EYA1: variants seen among roughly 807,000 people sequenced by gnomAD.
The protein encoded by EYA1 is EYA transcriptional coactivator and phosphatase 1.
In EYA1, 16 loss-of-function variants were observed where a neutral mutation model predicts 82.0. The ratio of observed to expected loss-of-function variants is 0.20; its 90% CI spans 0.13 to 0.30. The LOEUF is 0.30. Ranked by LOEUF, EYA1 falls within the 10% of genes least tolerant of loss-of-function variation. The pLI is 1.00. For missense variants in EYA1, 633 were observed against 730.7 expected, an observed-to-expected ratio of 0.87 and a Z score of 1.54; for synonymous variants, 261 against 264.4, an observed-to-expected ratio of 0.99 and a Z score of 0.12.
chr8:71,542,971 A>C (rs1272769505), intron 1 of EYA1, among the ~76,000 whole-genome samples: 1 of 152,066 alleles, frequency 6.6e-6, no homozygotes, highest in African/African-American at 2.4e-5. Flanking sequence ...TCAGATTCAT[A>C]GTTTGCAGAC....
chr8:71,435,939 AAGG>A (rs1805978546), intron 2 of EYA1, among the ~76,000 whole-genome samples: 1 of 152,152 alleles, frequency 6.6e-6, no homozygotes, highest in Non-Finnish European at 1.5e-5. Flanking sequence ...ATGAATTTTA[AAGG>A]ATTTAAATAT....
intron 3 of EYA1, among the ~76,000 whole-genome samples, chr8:71,346,164 G>A (rs777482582): frequency 6.6e-6 from 1 of 151,864 alleles, no homozygotes; most frequent in African/African-American, 2.4e-5. Flanking sequence ...ACCAGCATGC[G>A]TCCCCACAAT....
intron 4 of EYA1, among the ~76,000 whole-genome samples, chr8:71,327,827 ATAGT>A: frequency 6.7e-6 from 1 of 148,648 alleles, no homozygotes; most frequent in Middle Eastern, 3.5e-3. Flanking sequence ...GACACTAATA[ATAGT>A]TAGGGCGGGA....
intron 7 of EYA1, among the ~76,000 whole-genome samples, chr8:71,309,562 A>T (rs1381816321): frequency 6.6e-6 from 1 of 152,252 alleles, no homozygotes; most frequent in South Asian, 2.1e-4. Flanking sequence ...ATATTTTCCT[A>T]AAACCACTAT....
intron 17 of EYA1, among the ~76,000 whole-genome samples, chr8:71,208,916 T>C (rs1430764603): frequency 2.0e-5 from 3 of 152,204 alleles, no homozygotes; most frequent in Admixed American, 2.0e-4. Flanking sequence ...CACAGAAACC[T>C]TGATAAGATC....
chr8:71,251,140 T>A (rs1261160508), intron 11 of EYA1, among the ~76,000 whole-genome samples: 1 of 152,180 alleles, frequency 6.6e-6, no homozygotes. Flanking sequence ...TACCATAAGG[T>A]CAGCATAACA....
chr8:71,220,623 A>G (rs1008662488), intron 12 of EYA1, among the ~76,000 whole-genome samples: 2 of 152,260 alleles, frequency 1.3e-5, no homozygotes, highest in African/African-American at 2.4e-5. Flanking sequence ...ACAACAGACA[A>G]AAGTCCTTAC....
At chr8:71,459,995 A>T (rs1165001490) in intron 2 of EYA1, among the ~76,000 whole-genome samples, 1 of 152,194 alleles carries the variant, frequency 6.6e-6, no homozygotes, top group Non-Finnish European at 1.5e-5. Flanking sequence ...TTCATCACAT[A>T]TTCCTTTGTT....
intron 2 of EYA1, among the ~76,000 whole-genome samples, chr8:71,514,384 T>C (rs2129258563): frequency 6.6e-6 from 1 of 152,300 alleles, no homozygotes; most frequent in South Asian, 2.1e-4. Flanking sequence ...ATCTAACTTT[T>C]ATAAAATCAT....
At chr8:71,267,478 A>G (rs888716616) in intron 11 of EYA1, among the ~76,000 whole-genome samples, 6 of 152,230 alleles carry the variant, frequency 3.9e-5, no homozygotes, top group African/African-American at 1.2e-4. Context: ...GGATACACTT[A>G]TATTTAAGAA....
chr8:71,420,210 G>C (rs527324105), intron 2 of EYA1, among the ~76,000 whole-genome samples: 1 of 152,304 alleles, frequency 6.6e-6, no homozygotes, highest in East Asian at 1.9e-4. Flanking sequence ...AGGGTTGAAA[G>C]ATGCTAATGT....
At chr8:71,458,614 T>C (rs533498714) in intron 2 of EYA1, among the ~76,000 whole-genome samples, 1 of 152,130 alleles carries the variant, frequency 6.6e-6, no homozygotes, top group South Asian at 2.1e-4. Flanking sequence ...TTTTTGGTGA[T>C]GGATTAGATA....
At chr8:71,262,862 T>G (rs1815303747) in intron 11 of EYA1, among the ~76,000 whole-genome samples, 1 of 152,234 alleles carries the variant, frequency 6.6e-6, no homozygotes, top group Non-Finnish European at 1.5e-5. Flanking sequence ...AGATTCTATG[T>G]CACTCTACAG....
intron 12 of EYA1, among the ~76,000 whole-genome samples, chr8:71,233,478 G>C (rs1261433151): frequency 6.6e-6 from 1 of 151,656 alleles, no homozygotes; most frequent in African/African-American, 2.4e-5. Context: ...GCAGGAGAAT[G>C]GCATGAACCT....
At chr8:71,209,226 A>G (rs1255817094) in intron 17 of EYA1, among the ~76,000 whole-genome samples, 2 of 152,250 alleles carry the variant, frequency 1.3e-5, no homozygotes, top group African/African-American at 4.8e-5. Flanking sequence ...TGGATGTCAG[A>G]AAACATTCTC....
chr8:71,229,182 T>C (rs1211730005), intron 12 of EYA1, among the ~76,000 whole-genome samples: 2 of 152,000 alleles, frequency 1.3e-5, no homozygotes, highest in Non-Finnish European at 2.9e-5. Context: ...CACCAGACAA[T>C]AGCTGTGTCT....
intron 2 of EYA1, among the ~76,000 whole-genome samples, chr8:71,425,180 G>A (rs1215234523): frequency 1.3e-5 from 2 of 151,644 alleles, no homozygotes; most frequent in African/African-American, 4.8e-5. Flanking sequence ...CTATTCGGGA[G>A]GCTGAGGCAG....
At chr8:71,261,056 TTTTAAGACCCCATGCTGGCTGC>T (rs1815039889) in intron 11 of EYA1, among the ~76,000 whole-genome samples, 1 of 152,184 alleles carries the variant, frequency 6.6e-6, no homozygotes, top group South Asian at 2.1e-4. Flanking sequence ...AGTGGTTTAT[TTTTAAGACCCCATGCTGGCTGC>T]CCACAAGGAA....
chr8:71,474,834 T>C (rs1316861414), intron 2 of EYA1, among the ~76,000 whole-genome samples: 2 of 152,122 alleles, frequency 1.3e-5, no homozygotes, highest in Non-Finnish European at 2.9e-5. Flanking sequence ...GCAATGACTA[T>C]AAAGAATGGA....
Sources: allele counts gnomAD v4.1 joint callset (sites outside exome capture counted in the v4.1 genomes callset), GRCh38; gene constraint gnomAD v4.1.1; transcripts MANE v1.5; gene names NCBI Gene and HGNC (gene_info 2026-07-23, HGNC 2026-07-21).